Variants in WDFY4 observed in about 807,000 individuals in gnomAD.
WDFY4 encodes WDFY family member 4, also known as WD repeat- and FYVE domain-containing protein 4.
In WDFY4, 169 loss-of-function variants were observed where a neutral mutation model predicts 351.9. That is an observed-to-expected ratio of 0.48 (90% confidence interval 0.42 to 0.55). The LOEUF (loss-of-function observed/expected upper bound fraction) is 0.55. Among genes scored for constraint, WDFY4 ranks in the 20% least tolerant of loss-of-function variants. WDFY4 has a pLI of 0.00. For synonymous variants in WDFY4, 1,622 were observed against 1,574.6 expected, an observed-to-expected ratio of 1.03 and a Z score of -0.71; for missense variants, 3,803 against 3,935.6, an observed-to-expected ratio of 0.97 and a Z score of 0.90.
chr10:48,778,176 A>T (rs1168145930), intron 17 of WDFY4, among the ~76,000 whole-genome samples: 1 of 152,192 alleles, frequency 6.6e-6, no homozygotes. Context: ...CATTGCCTTC[A>T]TGACGTTTTT....
chr10:48,768,725 G>T (rs2065761060), intron 13 of WDFY4, among the ~76,000 whole-genome samples: 2 of 82,578 alleles, frequency 2.4e-5, no homozygotes, highest in South Asian at 6.6e-4. Flanking sequence ...GAGAGGAGAA[G>T]AGAGAGAGAG....
chr10:48,916,462 A>C (rs1838542816), intron 47 of WDFY4, among the ~76,000 whole-genome samples: 1 of 152,216 alleles, frequency 6.6e-6, no homozygotes, highest in Non-Finnish European at 1.5e-5. Flanking sequence ...GGCATCTAGA[A>C]GCTGGAAGAA....
At chr10:48,743,590 C>G in intron 12 of WDFY4, 42 bp downstream of exon 12, 1 of 1,502,424 alleles carries the variant, frequency 6.7e-7, no homozygotes, top group Non-Finnish European at 8.9e-7. Flanking sequence ...ATCTCTGTCT[C>G]CCATTCTCAC....
intron 2 of WDFY4, among the ~76,000 whole-genome samples, chr10:48,715,020 T>C (rs1461948509): frequency 2.0e-5 from 3 of 152,246 alleles, no homozygotes; most frequent in Non-Finnish European, 2.9e-5. Context: ...GCCTCTCACT[T>C]GGCATACTCA....
At chr10:48,980,506 G>A (rs1231770610) in intron 60 of WDFY4, among the ~76,000 whole-genome samples, 1 of 152,196 alleles carries the variant, frequency 6.6e-6, no homozygotes, top group Admixed American at 6.5e-5. Flanking sequence ...GCCATTTGCA[G>A]CAAGGCCCAA....
At chr10:48,720,819 C>T (rs531371129) in intron 3 of WDFY4, among the ~76,000 whole-genome samples, 18 of 152,294 alleles carry the variant, frequency 1.2e-4, no homozygotes, top group Non-Finnish European at 2.4e-4. Flanking sequence ...GTGCGCTGGT[C>T]CCTGGAGGCA....
chr10:48,915,462 C>G (rs1210151015), intron 47 of WDFY4, among the ~76,000 whole-genome samples: 1 of 151,812 alleles, frequency 6.6e-6, no homozygotes, highest in Admixed American at 6.6e-5. Flanking sequence ...AGAAGTATGC[C>G]CTTGGGAGAC....
Position 48,832,565 on chromosome 10 carries a change from T to G in WDFY4, c.6527-8T>G, listed in dbSNP as rs3747872. ...CACCTCTGACATTCTTTGCTTCCCTTCCCTCAGCATCTGAGAAGAAGTCAC... is the reference window on the plus strand; with the variant it reads ...CACCTCTGACATTCTTTGCTTCCCTGCCCTCAGCATCTGAGAAGAAGTCAC... On this transcript the variant is annotated splice_region_variant and splice_polypyrimidine_tract_variant and intron_variant, in intron 38 of 61. Transcript: ENST00000325239. 0.39 allele frequency: 605,060 copies of G among 1,538,154 alleles called. 125,545 individuals carry two copies. Among genetic ancestry groups the G allele is most frequent in the East Asian group, 0.85 (34,539 of 40,536 alleles).
chr10:48,814,640 G>A (rs531589920), intron 31 of WDFY4, among the ~76,000 whole-genome samples: 5 of 152,242 alleles, frequency 3.3e-5, no homozygotes, highest in Non-Finnish European at 5.9e-5. Context: ...AGGGTTTCCA[G>A]AAAAGGCTGA....
chr10:48,896,239 T>A (rs1443964098), intron 44 of WDFY4, among the ~76,000 whole-genome samples: 1 of 152,250 alleles, frequency 6.6e-6, no homozygotes, highest in African/African-American at 2.4e-5. Flanking sequence ...GGATATTTGC[T>A]GTGGTTCCTG....
In WDFY4 at chr10:48,959,612, C is replaced by A. The variant is rs766352137; in HGVS notation, c.8132-110C>A. On this transcript the variant is annotated intron_variant, in intron 52 of 61. Coordinates refer to ENST00000325239, the MANE Select transcript of WDFY4 (RefSeq NM_001394531.1). ...CATGGTCTGCAGAGAACATAACTCACGTTCAGACCTACACAAAATCAGCAA... is the reference window on the plus strand; with the variant it reads ...CATGGTCTGCAGAGAACATAACTCAAGTTCAGACCTACACAAAATCAGCAA... The A allele has an allele frequency of 1.0e-5, 10 of 954,532 alleles. No individual in the cohort carries two copies. The African/African-American group carries it at 1.3e-4, about 12-fold the overall frequency. The allele number at this position is 954,532 out of a possible 1,614,324, so 59.1% of individuals were successfully genotyped here.
chr10:48,741,671 G>A lies in WDFY4; in HGVS notation c.1879-1297G>A, dbSNP rs142953580. Among the ~76,000 whole-genome samples, 63 of 152,154 alleles carry A rather than the reference G, an allele frequency of 4.1e-4. No individual in the cohort carries two copies. The East Asian group carries it at 5.0e-3, about 12-fold the overall frequency. On this transcript the variant is annotated intron_variant, in intron 11 of 61. Transcript: ENST00000325239. The stretch of plus-strand genomic sequence containing the variant: ...GCTTAGGCCATGCATTTAAGTCACA[G>A]CATCACCCCTCCCCCAGATAGGGAG...
intron 27 of WDFY4, among the ~76,000 whole-genome samples, chr10:48,807,130 A>T (rs887065640): frequency 6.6e-6 from 1 of 152,230 alleles, no homozygotes; most frequent in African/African-American, 2.4e-5. Flanking sequence ...CCATTTCCCC[A>T]GGTTGCCTCA....
chr10:48,970,088 C>A, intron 56 of WDFY4, 43 bp from the exon 57 acceptor site: 1 of 1,544,266 alleles, frequency 6.5e-7, no homozygotes, highest in South Asian at 1.2e-5. Flanking sequence ...GCTCCTGTCC[C>A]TGCTGTCTCC....
intron 47 of WDFY4, among the ~76,000 whole-genome samples, chr10:48,902,559 A>C (rs1179498910): frequency 6.6e-6 from 1 of 152,044 alleles, no homozygotes; most frequent in Admixed American, 6.5e-5. Context: ...AATTCCTTCA[A>C]AATTATTTAT....
At chr10:48,892,132 C>G (rs987977400) in intron 44 of WDFY4, among the ~76,000 whole-genome samples, 2 of 152,220 alleles carry the variant, frequency 1.3e-5, no homozygotes, top group Non-Finnish European at 2.9e-5. Context: ...AGCCGTGCCT[C>G]TCTGAGAGCG....
Position 48,709,848 on chromosome 10 carries a change from G to A in WDFY4, c.116G>A (p.Ser39Asn). The A allele has an allele frequency of 1.9e-6, 3 of 1,551,906 alleles. No individual in the cohort carries two copies. Among genetic ancestry groups the A allele is most frequent in the Non-Finnish European group, 2.6e-6 (3 of 1,147,038 alleles). The change falls in exon 2 of 62, where the codon AGC becomes AAC. Residue 39 changes from serine to asparagine, a missense_variant. Ser to Asn is a conservative substitution (Grantham distance 46). Coordinates refer to ENST00000325239, the MANE Select transcript of WDFY4 (RefSeq NM_001394531.1). ...GTCCCACATGGAGGGCAGTCCTCCA[G>A]CCCCACAGCTCTCTGGGACATGCTG... ...PDVPHGGQSS[S>N]PTALWDMLER...
intron 12 of WDFY4, among the ~76,000 whole-genome samples, chr10:48,757,885 C>G (rs2065383377): frequency 6.6e-6 from 1 of 151,986 alleles, no homozygotes; most frequent in African/African-American, 2.4e-5. Flanking sequence ...CTACGCCGTT[C>G]CCTCTATCCT....
chr10:48,704,408 C>T lies in WDFY4; in HGVS notation c.-17-5308C>T, dbSNP rs571709567. Among the ~76,000 whole-genome samples the T allele has an allele frequency of 2.0e-5, 3 of 152,260 alleles. No homozygotes were observed. In the East Asian group the frequency reaches 5.8e-4, roughly 29 times the overall value. The stretch of plus-strand genomic sequence containing the variant: ...GGGCCAGAATGCCATGTGCCCTGAA[C>T]CCATCCAAGCTGGGACACAGCACGG... On this transcript the variant is annotated intron_variant, in intron 1 of 61. Coordinates refer to ENST00000325239, the MANE Select transcript of WDFY4 (RefSeq NM_001394531.1).
Sources: gnomAD v4.1 joint callset for allele counts (sites outside exome capture counted in the v4.1 genomes callset) on GRCh38, gnomAD v4.1.1 for gene constraint, MANE v1.5 for transcripts, NCBI Gene and HGNC (gene_info 2026-07-23, HGNC 2026-07-21) for gene names.